ELP1: variants seen among roughly 807,000 people sequenced by gnomAD.
The protein encoded by ELP1 is elongator complex protein 1.
A neutral mutation model predicts 183.2 loss-of-function variants in ELP1; 131 were observed. The observed-to-expected ratio is 0.72, with a 90% CI of 0.62 to 0.83. ELP1 has a LOEUF of 0.83. Among genes scored for constraint, ELP1 ranks in the 40% least tolerant of loss-of-function variants. ELP1 has a pLI of 0.00. For synonymous variants in ELP1, 555 were observed against 569.0 expected (o/e 0.98, Z 0.35); for missense variants, 1,550 against 1,594.9 (o/e 0.97, Z 0.48).
chr9:108,903,729 T>C, intron 14 of ELP1, 60 bp from the exon 15 acceptor site: 1 of 1,208,662 alleles, frequency 8.3e-7, no homozygotes, highest in South Asian at 1.2e-5. Flanking sequence ...ATAGTGACAT[T>C]TCACTGATTT....
At chr9:108,875,432 C>T (rs575435809) in intron 35 of ELP1, among the ~76,000 whole-genome samples, 100 of 152,360 alleles carry the variant, frequency 6.6e-4, no homozygotes, top group Non-Finnish European at 1.4e-3. Context: ...AAACACAAGA[C>T]TCCGCAGGAA....
chr9:108,877,324 T>C (rs1356617124), intron 35 of ELP1, among the ~76,000 whole-genome samples: 2 of 152,248 alleles, frequency 1.3e-5, no homozygotes, highest in Non-Finnish European at 2.9e-5. Flanking sequence ...CTAATACTTA[T>C]TTAACAAATC....
intron 29 of ELP1, among the ~76,000 whole-genome samples, chr9:108,888,752 T>C (rs888200604): frequency 1.3e-5 from 2 of 152,216 alleles, no homozygotes; most frequent in Non-Finnish European, 2.9e-5. Flanking sequence ...AAAAACACTC[T>C]CTCATCAAAG....
At chr9:108,881,580 G>A (rs1463579515) in intron 31 of ELP1, 125 bp downstream of exon 31, 6 of 675,240 alleles carry the variant, frequency 8.9e-6, no homozygotes, top group African/African-American at 7.2e-5. Context: ...ATATCCAGGT[G>A]GTAATTTTGA....
chr9:108,918,689 C>G, intron 8 of ELP1, 122 bp downstream of exon 8: 1 of 782,812 alleles, frequency 1.3e-6, no homozygotes, highest in Non-Finnish European at 2.3e-6. Flanking sequence ...AGCCTTATAA[C>G]CAAATGAAGA....
chr9:108,869,941 G>A (rs932357852), intron 36 of ELP1, among the ~76,000 whole-genome samples: 11 of 152,064 alleles, frequency 7.2e-5, no homozygotes, highest in African/African-American at 2.2e-4. Context: ...TTATGGGTGC[G>A]GACCCCCCTG....
intron 4 of ELP1, 51 bp from the exon 5 acceptor site, chr9:108,926,654 C>A: frequency 7.1e-7 from 1 of 1,403,794 alleles, no homozygotes; most frequent in South Asian, 1.2e-5. Context: ...ACAAATTTGC[C>A]ATTCCTAAGT....
Position 108,909,920 on chromosome 9 carries a change from ACT to A in ELP1, c.1360+1088_1360+1089del, listed in dbSNP as rs1455465745. ...AATTGATCGTGGTGATGGCTGTACA[ACT>A]CTGTGAATATACATATATATACATA... On this transcript the variant is annotated intron_variant, in intron 12 of 36. Transcript: ENST00000374647. Among the ~76,000 whole-genome samples the A allele has an allele frequency of 2.0e-5, 3 of 152,192 alleles. No individual in the cohort carries two copies. In the East Asian group the frequency reaches 5.8e-4, roughly 29 times the overall value.
At chr9:108,919,892 A>G (rs1344244962) in intron 6 of ELP1, among the ~76,000 whole-genome samples, 2 of 152,028 alleles carry the variant, frequency 1.3e-5, no homozygotes, top group Non-Finnish European at 2.9e-5. Context: ...GTGTATCTCA[A>G]TCCTGAAGCC....
At chr9:108,879,944 T>A in intron 32 of ELP1, 108 bp downstream of exon 32, 1 of 787,084 alleles carries the variant, frequency 1.3e-6, no homozygotes, top group Non-Finnish European at 2.2e-6. Flanking sequence ...CACTTGCCCA[T>A]GGCACAGTAA....
intron 13 of ELP1, among the ~76,000 whole-genome samples, chr9:108,907,400 T>C (rs1038910646): frequency 6.6e-6 from 1 of 152,226 alleles, no homozygotes; most frequent in Non-Finnish European, 1.5e-5. Flanking sequence ...ATAATGCATG[T>C]AAATGCTCTT....
Position 108,878,015 on chromosome 9 carries a change from G to A in ELP1, c.3835C>T (p.Gln1279Ter). ...SLPEIWTLTYQQNSATPVLGP... is the reference protein window; with the variant it reads ...SLPEIWTLTY ...CTTACCGGGGTAGCTGAATTCTGCT[G>A]GTAAGTAAGAGTCCAAATTTCTGGA... is the stretch of plus-strand genomic sequence containing the variant. Residue 1279 changes from glutamine (Q) to a stop codon, truncating the protein, a stop_gained, in exon 35 of 37, where the codon CAG becomes TAG. Coordinates refer to ENST00000374647, the MANE Select transcript of ELP1 (RefSeq NM_003640.5). LOFTEE classifies it high-confidence loss of function. 6.2e-7 allele frequency: 1 copy of A among 1,614,168 alleles called. No individual in the cohort carries two copies. The highest frequency in any genetic ancestry group is 1.1e-5 in the South Asian group (1 of 91,080).
chr9:108,906,173 A>T, intron 14 of ELP1, 130 bp downstream of exon 14: 1 of 833,944 alleles, frequency 1.2e-6, no homozygotes, highest in Non-Finnish European at 2.0e-6. Flanking sequence ...CCTTCTTGTT[A>T]AGTGTGTCTA....
Position 108,893,028 on chromosome 9 carries a change from G to A in ELP1, c.2916C>T (p.Asn972=), listed in dbSNP as rs752886385. ...TTGGTGAATATAACTTCAGAGCTTCGTTATACAAGTTTTTATCTTTTATCA... is the reference window on the plus strand; with the variant it reads ...TTGGTGAATATAACTTCAGAGCTTCATTATACAAGTTTTTATCTTTTATCA... ...LNLIKDKNLY[N]EALKLYSPSS... is the part of the protein sequence containing the mutation. The change falls in exon 27 of 37, where the codon AAC becomes AAT. Residue 972 remains asparagine, a synonymous_variant. Coordinates refer to ENST00000374647, the MANE Select transcript of ELP1 (RefSeq NM_003640.5). 1.0e-4 allele frequency: 163 copies of A among 1,613,728 alleles called. No individual in the cohort carries two copies. In the South Asian group the frequency reaches 1.3e-3, roughly 13 times the overall value.
chr9:108,910,026 A>AT (rs1179193178), intron 12 of ELP1, among the ~76,000 whole-genome samples: 1 of 152,198 alleles, frequency 6.6e-6, no homozygotes, highest in Admixed American at 6.5e-5. Context: ...ATATAAAGCT[A>AT]TTTTTTAAGT....
chr9:108,917,530 C>G lies in ELP1; in HGVS notation c.864+17G>C. ...AAGTCCTCTACATTCGAGGGTGAAA[C>G]AAACTCAGGCACTTACCTTAACCTC... On this transcript the variant is annotated intron_variant, in intron 9 of 36. Transcript: ENST00000374647. The G allele has an allele frequency of 6.2e-7, 1 of 1,608,818 alleles. No individual in the cohort carries two copies. The highest frequency in any genetic ancestry group is 8.5e-7 in the Non-Finnish European group (1 of 1,176,988).
rs887616155 is a variant in ELP1, at chr9:108,933,970, T to G, written c.-162A>C. 6.3e-6 allele frequency: 1 copy of G among 159,454 alleles called. No homozygotes were observed. Among genetic ancestry groups the G allele is most frequent in the Non-Finnish European group, 1.4e-5 (1 of 72,576 alleles). 9.9% of individuals were successfully genotyped at this position (159,454 alleles called of 1,614,324 possible). On this transcript the variant is annotated 5_prime_UTR_variant, in exon 1 of 37. Coordinates refer to ENST00000374647, the MANE Select transcript of ELP1 (RefSeq NM_003640.5). Reference sequence around the variant, plus strand: ...TCCGCACCCAGAGTCGGCTCCGAATTGCGCACGCGTCTCTGTCCGCGGCTC... The same window carrying G: ...TCCGCACCCAGAGTCGGCTCCGAATGGCGCACGCGTCTCTGTCCGCGGCTC...
At chr9:108,915,477 T>G (rs1025187627) in intron 10 of ELP1, among the ~76,000 whole-genome samples, 1 of 152,232 alleles carries the variant, frequency 6.6e-6, no homozygotes, top group African/African-American at 2.4e-5. Context: ...CTTAAGGCTG[T>G]AACAGAAATC....
intron 20 of ELP1, among the ~76,000 whole-genome samples, chr9:108,899,027 T>A (rs976907098): frequency 6.6e-6 from 1 of 152,034 alleles, no homozygotes; most frequent in Non-Finnish European, 1.5e-5. Context: ...CCGGGCACGG[T>A]GGTTCACACC....
Sources: allele counts gnomAD v4.1 joint callset (sites outside exome capture counted in the v4.1 genomes callset), GRCh38; gene constraint gnomAD v4.1.1; transcripts MANE v1.5; gene names NCBI Gene and HGNC (gene_info 2026-07-23, HGNC 2026-07-21).